PIEZO2: variants seen among roughly 807,000 people sequenced by gnomAD.
PIEZO2 encodes the protein piezo type mechanosensitive ion channel component 2, also known as piezo-type mechanosensitive ion channel component 2.
A neutral mutation model predicts 337.3 loss-of-function variants in PIEZO2; 172 were observed. The observed-to-expected ratio is 0.51, with a 90% confidence interval of 0.45 to 0.58. The LOEUF is 0.58. PIEZO2 is among the 20% of genes least tolerant of loss of function. The pLI is 0.00. For missense variants in PIEZO2, 3,028 were observed against 3,391.3 expected (o/e 0.89, Z 2.66); for synonymous variants, 1,251 against 1,228.5 (o/e 1.02, Z -0.38).
intron 4 of PIEZO2, among the ~76,000 whole-genome samples, chr18:10,909,095 C>T (rs2030227571): frequency 6.6e-6 from 1 of 152,130 alleles, no homozygotes; most frequent in African/African-American, 2.4e-5. Flanking sequence ...TGAGCCTGGG[C>T]CATCTAACTG....
intron 4 of PIEZO2, among the ~76,000 whole-genome samples, chr18:10,897,160 A>G (rs2042923129): frequency 6.6e-6 from 1 of 151,798 alleles, no homozygotes; most frequent in Admixed American, 6.6e-5. Context: ...TATGGTTCTC[A>G]TGGTAGTGAG....
At chr18:10,926,367 C>T (rs1316963594) in intron 3 of PIEZO2, among the ~76,000 whole-genome samples, 2 of 152,172 alleles carry the variant, frequency 1.3e-5, no homozygotes, top group African/African-American at 4.8e-5. Flanking sequence ...ATCTTTTCTC[C>T]ATTATCTGGT....
Position 10,894,972 on chromosome 18 carries a change from A to G in PIEZO2, c.329+16214T>C, listed in dbSNP as rs762064401. Among the ~76,000 whole-genome samples, 1 of 152,208 alleles carries G rather than the reference A, an allele frequency of 6.6e-6. No homozygotes were observed. The highest frequency in any genetic ancestry group is 1.5e-5 in the Non-Finnish European group (1 of 68,048). On this transcript the variant is annotated intron_variant, in intron 4 of 55. Transcript: ENST00000674853. The surrounding 1 kb of genome is among the most constrained non-coding windows in gnomAD (Gnocchi z 4.1). ...GATGTTAGATGTCTGCAGATCCCAC[A>G]ATCCCTCCCTCTCTTTCCTGAGATG...
Position 11,109,725 on chromosome 18 carries a change from A to AG in PIEZO2, c.64+38799_64+38800insC, listed in dbSNP as rs2039673979. 6.6e-6 allele frequency among the ~76,000 whole-genome samples: 1 copy of AG among 152,106 alleles called. No homozygotes were observed. Among genetic ancestry groups the AG allele is most frequent in the South Asian group, 2.1e-4 (1 of 4,820 alleles). On this transcript the variant is annotated intron_variant, in intron 1 of 55. Coordinates refer to ENST00000674853, the MANE Select transcript of PIEZO2 (RefSeq NM_001378183.1). The surrounding 1 kb of genome is among the most constrained non-coding windows in gnomAD (Gnocchi z 5.1). Reference sequence around the variant, plus strand: ...AGAGTGAGACTCCATCTCAAAAAAAAAAGGTACTAGAAACAGAATCCTTAA... The same window carrying AG: ...AGAGTGAGACTCCATCTCAAAAAAAAGAAGGTACTAGAAACAGAATCCTTAA...
At position 10,911,228 on chromosome 18, in the gene PIEZO2, C is replaced by A; in HGVS notation, c.287G>T (p.Cys96Phe). ...AQHRIAPGYN[C>F]STWEKTFRQI... ...CCGGAATGTCTTTTCCCATGTTGAG[C>A]CTGTAATGGAAGGGAGAGACATAAT... The change falls in exon 4 of 56, where the codon TGC (cysteine) becomes TTC (phenylalanine). Residue 96 changes from cysteine to phenylalanine, a missense_variant and splice_region_variant. Coordinates refer to ENST00000674853, the MANE Select transcript of PIEZO2 (RefSeq NM_001378183.1). 1.5e-6 allele frequency: 1 copy of A among 663,412 alleles called. No individual in the cohort carries two copies. The highest frequency in any genetic ancestry group is 2.2e-6 in the Non-Finnish European group (1 of 452,954). The allele number at this position is 663,412 out of a possible 1,614,324, so 41.1% of individuals were successfully genotyped here. A position where few individuals can be genotyped will look rare whatever the true frequency, so the allele number is the denominator to read the frequency against.
chr18:11,148,874 G>T lies in PIEZO2; in HGVS notation c.-286C>A, dbSNP rs1047821176. ...GCCGGCCCATTTAGTGTGAATCCTG[G>T]ATCCGGCAGCGGCGGCGGCTTCTTC... On this transcript the variant is annotated 5_prime_UTR_variant, in exon 1 of 56. Transcript: ENST00000674853. This position sits in a 1 kb window ranked among gnomAD's most constrained non-coding sequence, Gnocchi z 5.2. The T allele has an allele frequency of 5.3e-6, 2 of 376,036 alleles. No homozygotes were observed. The highest frequency in any genetic ancestry group is 9.4e-6 in the Non-Finnish European group (2 of 213,258). The allele number at this position is 376,036 out of a possible 1,614,324, so 23.3% of individuals were successfully genotyped here.
Position 10,726,347 on chromosome 18 carries a change from T to C in PIEZO2, c.5029+5060A>G. 1 of 1,496,220 alleles carries C rather than the reference T, an allele frequency of 6.7e-7. No homozygotes were observed. The highest frequency in any genetic ancestry group is 1.9e-4 in the Middle Eastern group (1 of 5,148). 92.7% of individuals were successfully genotyped at this position (1,496,220 alleles called of 1,614,324 possible). On this transcript the variant is annotated intron_variant, in intron 36 of 55. Transcript: ENST00000674853. This position sits in a 1 kb window ranked among gnomAD's most constrained non-coding sequence, Gnocchi z 5.9. ...CCCGAACGCCCCGCCCAGCGCTGCC[T>C]CCCTTCGCCTTCCCCGCAGGCACCC...
At position 10,759,978 on chromosome 18, in the gene PIEZO2, T is replaced by A; in HGVS notation, c.3451-69A>T. On this transcript the variant is annotated intron_variant, in intron 24 of 55. Coordinates refer to ENST00000674853, the MANE Select transcript of PIEZO2 (RefSeq NM_001378183.1). This position sits in a 1 kb window ranked among gnomAD's most constrained non-coding sequence, Gnocchi z 5.5. ...TGGGAAAGGGGACTGGTGATAGGTGTCAGGTCTGTGTAGATGGCGGAGACC... is the reference window on the plus strand; with the variant it reads ...TGGGAAAGGGGACTGGTGATAGGTGACAGGTCTGTGTAGATGGCGGAGACC... 1 of 1,391,804 alleles carries A rather than the reference T, an allele frequency of 7.2e-7. No homozygotes were observed. The highest frequency in any genetic ancestry group is 9.8e-7 in the Non-Finnish European group (1 of 1,018,616). 86.2% of individuals were successfully genotyped at this position (1,391,804 alleles called of 1,614,324 possible).
intron 30 of PIEZO2, among the ~76,000 whole-genome samples, chr18:10,745,942 G>A (rs1421244107): frequency 3.9e-5 from 6 of 152,240 alleles, no homozygotes; most frequent in East Asian, 3.9e-4. Context: ...TGGCACCACC[G>A]TTTGGCTAAG....
Position 10,724,610 on chromosome 18 carries a change from A to C in PIEZO2, c.5030-6351T>G, listed in dbSNP as rs571434612. ...AGTGACCCAGCTGGATGTGACCCCC[A>C]AGACAGAATGGTGCTGGACTCGGGG... On this transcript the variant is annotated intron_variant, in intron 36 of 55. Coordinates refer to ENST00000674853, the MANE Select transcript of PIEZO2 (RefSeq NM_001378183.1). This position sits in a 1 kb window ranked among gnomAD's most constrained non-coding sequence, Gnocchi z 5.8. 1.1e-5 allele frequency: 7 copies of C among 656,990 alleles called. No individual in the cohort carries two copies. The South Asian group carries it at 1.4e-4, about 13-fold the overall frequency. The allele number at this position is 656,990 out of a possible 1,614,324, so 40.7% of individuals were successfully genotyped here. A position where few individuals can be genotyped will look rare whatever the true frequency, so the allele number is the denominator to read the frequency against.
chr18:11,061,234 T>C (rs1450887168), intron 2 of PIEZO2, among the ~76,000 whole-genome samples: 1 of 151,728 alleles, frequency 6.6e-6, no homozygotes, highest in Non-Finnish European at 1.5e-5. Flanking sequence ...CTCAATAAAT[T>C]AGGTATTGAT....
Position 10,979,834 on chromosome 18 carries a change from T to G in PIEZO2, c.161-174A>C, listed in dbSNP as rs2034596937. On this transcript the variant is annotated intron_variant, in intron 2 of 55. Coordinates refer to ENST00000674853, the MANE Select transcript of PIEZO2 (RefSeq NM_001378183.1). The surrounding 1 kb of genome is among the most constrained non-coding windows in gnomAD (Gnocchi z 4.0). ...TAGCTAAATGGTATCTTATTCCCTTTGTAACATCAAATATTTGGGTTTATA... is the reference window on the plus strand; with the variant it reads ...TAGCTAAATGGTATCTTATTCCCTTGGTAACATCAAATATTTGGGTTTATA... Among the ~76,000 whole-genome samples, 1 of 152,206 alleles carries G rather than the reference T, an allele frequency of 6.6e-6. No homozygotes were observed. The highest frequency in any genetic ancestry group is 1.5e-5 in the Non-Finnish European group (1 of 68,036).
rs1188994429 is a variant in PIEZO2 at position 10,903,042 on chromosome 18, G to A, written c.329+8144C>T. On this transcript the variant is annotated intron_variant, in intron 4 of 55. Transcript: ENST00000674853. The surrounding 1 kb of genome is among the most constrained non-coding windows in gnomAD (Gnocchi z 4.1). The stretch of plus-strand genomic sequence containing the variant: ...CCCCAGCCTTTCCAGGCTGCCCCGG[G>A]GAGACAGCAGCTATGGGGAGGCACC... 5.9e-5 allele frequency among the ~76,000 whole-genome samples: 9 copies of A among 152,210 alleles called. No individual in the cohort carries two copies. The highest frequency in any genetic ancestry group is 3.9e-4 in the Admixed American group (6 of 15,284).
chr18:10,957,846 C>T (rs548743349), intron 3 of PIEZO2, among the ~76,000 whole-genome samples: 17 of 152,216 alleles, frequency 1.1e-4, no homozygotes, highest in Non-Finnish European at 1.6e-4. Flanking sequence ...TGATTAAAAA[C>T]GGGCGAAGAA....
rs543407635 is a variant in PIEZO2 at position 11,102,206 on chromosome 18, A to G, written c.65-35984T>C. 6.6e-6 allele frequency among the ~76,000 whole-genome samples: 1 copy of G among 152,248 alleles called. No individual in the cohort carries two copies. The highest frequency in any genetic ancestry group is 2.1e-4 in the South Asian group (1 of 4,822). Reference sequence around the variant, plus strand: ...GTATGCAAGATGTGATTTTATTTTCACCTTATTCTAAATTAATGAGATAAA... The same window carrying G: ...GTATGCAAGATGTGATTTTATTTTCGCCTTATTCTAAATTAATGAGATAAA... On this transcript the variant is annotated intron_variant, in intron 1 of 55. Coordinates refer to ENST00000674853, the MANE Select transcript of PIEZO2 (RefSeq NM_001378183.1). This position sits in a 1 kb window ranked among gnomAD's most constrained non-coding sequence, Gnocchi z 5.7.
At chr18:11,107,480 A>C (rs140373864) in intron 1 of PIEZO2, among the ~76,000 whole-genome samples, 7 of 152,266 alleles carry the variant, frequency 4.6e-5, no homozygotes, top group Admixed American at 1.3e-4. Context: ...CCAAAGTAAA[A>C]CATTAAAAAA....
intron 1 of PIEZO2, among the ~76,000 whole-genome samples, chr18:11,087,027 C>A (rs914158800): frequency 6.6e-6 from 1 of 152,080 alleles, no homozygotes; most frequent in African/African-American, 2.4e-5. Context: ...TTAGGTGGAG[C>A]TGTTGGGAGG....
At chr18:10,737,380 G>A (rs1407031552) in intron 33 of PIEZO2, among the ~76,000 whole-genome samples, 2 of 151,874 alleles carry the variant, frequency 1.3e-5, no homozygotes, top group Non-Finnish European at 2.9e-5. Flanking sequence ...AACAATGACA[G>A]TAACAACAAA....
At chr18:11,040,845 T>C (rs1047774157) in intron 2 of PIEZO2, among the ~76,000 whole-genome samples, 60 of 152,338 alleles carry the variant, frequency 3.9e-4, no homozygotes, top group African/African-American at 1.4e-3. Context: ...ACATTCTTAC[T>C]TTTTCACAAT....
Sources: allele counts gnomAD v4.1 joint callset (sites outside exome capture counted in the v4.1 genomes callset), GRCh38; gene constraint gnomAD v4.1.1; non-coding constraint Gnocchi (gnomAD v3.1); transcripts MANE v1.5; gene names NCBI Gene and HGNC (gene_info 2026-07-23, HGNC 2026-07-21).